ESR1: variants seen among roughly 807,000 people sequenced by gnomAD.
ESR1 encodes estrogen receptor 1, also known as estrogen receptor.
ESR1 carries 12 observed loss-of-function variants against 52.7 expected under a neutral mutation model. That is an observed-to-expected ratio of 0.23 (90% CI 0.15 to 0.37). ESR1 has a LOEUF of 0.37. Among genes scored for constraint, ESR1 ranks in the 10% least tolerant of loss-of-function variants. The pLI is 1.00. For synonymous variants in ESR1, 305 were observed against 316.8 expected (o/e 0.96, Z 0.39); for missense variants, 584 against 779.7 (o/e 0.75, Z 2.99).
chr6:151,819,394 CAGG>C (rs1780195294), intron 1 of ESR1, among the ~76,000 whole-genome samples: 1 of 152,316 alleles, frequency 6.6e-6, no homozygotes, highest in East Asian at 1.9e-4. Flanking sequence ...GGCCGCACAG[CAGG>C]AGGTGAGCAG....
intron 4 of ESR1, among the ~76,000 whole-genome samples, chr6:152,001,574 C>T (rs1477271325): frequency 1.3e-5 from 2 of 152,004 alleles, no homozygotes; most frequent in East Asian, 3.9e-4. Context: ...TACCTAGCTA[C>T]CCACTTTATT....
chr6:151,703,863 G>A (rs1458597088), intron 2 of ESR1, among the ~76,000 whole-genome samples: 1 of 152,132 alleles, frequency 6.6e-6, no homozygotes, highest in African/African-American at 2.4e-5. Context: ...ATTCCAGAAA[G>A]GTCTAAGGTG....
chr6:151,981,642 CTA>C (rs1191195338), intron 4 of ESR1, among the ~76,000 whole-genome samples: 1 of 152,106 alleles, frequency 6.6e-6, no homozygotes, highest in Non-Finnish European at 1.5e-5. Flanking sequence ...TGTAGGATGC[CTA>C]TTAAAAACTC....
intron 2 of ESR1, among the ~76,000 whole-genome samples, chr6:151,875,116 G>A (rs994203290): frequency 1.8e-4 from 27 of 152,288 alleles, no homozygotes; most frequent in African/African-American, 5.8e-4. Flanking sequence ...GCCTCAAAAC[G>A]GAAAGAGTAG....
intron 1 of ESR1, among the ~76,000 whole-genome samples, chr6:151,664,798 T>C (rs566621685): frequency 3.9e-5 from 6 of 152,336 alleles, no homozygotes; most frequent in African/African-American, 9.6e-5. Flanking sequence ...AAAAATGTAT[T>C]GTGTCTGTGT....
At chr6:151,856,807 T>C (rs1335761344) in intron 2 of ESR1, among the ~76,000 whole-genome samples, 2 of 152,110 alleles carry the variant, frequency 1.3e-5, no homozygotes, top group Admixed American at 1.3e-4. Flanking sequence ...GAGCAAGGTG[T>C]GTGCTAGCAT....
At chr6:151,828,097 G>C (rs1781814847) in intron 1 of ESR1, among the ~76,000 whole-genome samples, 1 of 152,092 alleles carries the variant, frequency 6.6e-6, no homozygotes, top group Non-Finnish European at 1.5e-5. Flanking sequence ...AATTTATTTT[G>C]CTCTATTGTC....
At chr6:152,066,181 A>T (rs529879658) in intron 6 of ESR1, among the ~76,000 whole-genome samples, 228 of 152,306 alleles carry the variant, frequency 1.5e-3, no homozygotes, top group African/African-American at 5.3e-3. Flanking sequence ...GTTTGCTTTG[A>T]TCAGAAGCCA....
upstream of ESR1, among the ~76,000 whole-genome samples, chr6:151,686,632 G>A (rs1778692608): frequency 1.3e-5 from 2 of 152,158 alleles, no homozygotes. Context: ...AGCTTGCAGT[G>A]AGCCGAGATG....
intron 6 of ESR1, among the ~76,000 whole-genome samples, chr6:152,063,201 C>T (rs1047807703): frequency 6.6e-6 from 1 of 152,158 alleles, no homozygotes; most frequent in African/African-American, 2.4e-5. Flanking sequence ...CTTCTGTGCA[C>T]TTCTTTCTTA....
At chr6:152,063,851 A>C (rs553868633) in intron 6 of ESR1, among the ~76,000 whole-genome samples, 1 of 152,234 alleles carries the variant, frequency 6.6e-6, no homozygotes, top group Non-Finnish European at 1.5e-5. Context: ...TTTTGTGTTG[A>C]GCCCCAGTCG....
intron 1 of ESR1, among the ~76,000 whole-genome samples, chr6:151,669,167 AG>A (rs1777946595): frequency 7.8e-6 from 1 of 127,716 alleles, no homozygotes; most frequent in African/African-American, 2.7e-5. Flanking sequence ...AGAGAGAGAG[AG>A]AGAGAGAGAG....
At chr6:151,695,379 A>G (rs1189513619) in intron 1 of ESR1, among the ~76,000 whole-genome samples, 1 of 152,220 alleles carries the variant, frequency 6.6e-6, no homozygotes, top group Non-Finnish European at 1.5e-5. Flanking sequence ...AGGCAGAGAC[A>G]GGCCCCAACA....
At position 152,099,149 on chromosome 6, in the gene ESR1, T is replaced by C. The variant is rs1222208347; in HGVS notation, c.*183T>C. ...TTAGTGGCACATCTTCTGTCTTCTG[T>C]TGGGAACAGCCAAAGGGATTCCAAG... On this transcript the variant is annotated 3_prime_UTR_variant, in exon 8 of 8. Coordinates refer to ENST00000206249, the MANE Select transcript of ESR1 (RefSeq NM_000125.4). 3 of 637,792 alleles carry C rather than the reference T, an allele frequency of 4.7e-6. No homozygotes were observed. Among genetic ancestry groups the C allele is most frequent in the African/African-American group, 3.6e-5 (2 of 55,694 alleles). 39.5% of individuals were successfully genotyped at this position (637,792 alleles called of 1,614,324 possible).
chr6:151,698,458 A>G (rs1024994613), intron 1 of ESR1, among the ~76,000 whole-genome samples: 1 of 152,078 alleles, frequency 6.6e-6, no homozygotes, highest in Non-Finnish European at 1.5e-5. Context: ...AAAGACAGAC[A>G]TGTTTTCATT....
At position 152,122,692 on chromosome 6, in the gene ESR1, A is replaced by T. The variant is rs1211583568; in HGVS notation, c.851-2574A>T. 3 of 1,613,626 alleles carry T rather than the reference A, an allele frequency of 1.9e-6. No individual in the cohort carries two copies. Among genetic ancestry groups the T allele is most frequent in the Non-Finnish European group, 2.5e-6 (3 of 1,179,870 alleles). Reference sequence around the variant, plus strand: ...TTTTGTGGACCTGAGAGAAGAATGGACATAAATTACTCAGATAACTCCAGT... The same window carrying T: ...TTTTGTGGACCTGAGAGAAGAATGGTCATAAATTACTCAGATAACTCCAGT... On this transcript the variant is annotated intron_variant, in intron 6 of 6. Transcript: ENST00000427531.
At chr6:151,959,792 T>C (rs1213015122) in intron 4 of ESR1, among the ~76,000 whole-genome samples, 2 of 152,176 alleles carry the variant, frequency 1.3e-5, no homozygotes, top group African/African-American at 4.8e-5. Flanking sequence ...GCCACTGTAA[T>C]ATTTAAGATT....
chr6:151,757,198 A>G (rs1256347433), intron 2 of ESR1, among the ~76,000 whole-genome samples: 1 of 151,140 alleles, frequency 6.6e-6, no homozygotes, highest in East Asian at 2.0e-4. Flanking sequence ...ACTCTGGTGC[A>G]CACCTTTTAC....
intron 4 of ESR1, among the ~76,000 whole-genome samples, chr6:151,948,722 G>A (rs1459408796): frequency 3.3e-5 from 5 of 152,142 alleles, no homozygotes; most frequent in African/African-American, 9.6e-5. Flanking sequence ...CCAGGGGTAG[G>A]CAATCTCCTC....
Sources: gnomAD v4.1 joint callset for allele counts (sites outside exome capture counted in the v4.1 genomes callset) on GRCh38, gnomAD v4.1.1 for gene constraint, MANE v1.5 for transcripts, NCBI Gene and HGNC (gene_info 2026-07-23, HGNC 2026-07-21) for gene names.